Variants in CPNE4 observed in about 807,000 individuals in gnomAD.
The protein encoded by CPNE4 is copine-4.
In CPNE4, 25 loss-of-function variants were observed where a neutral mutation model predicts 67.9. The observed-to-expected ratio is 0.37, with a 90% CI of 0.27 to 0.51. CPNE4 has a LOEUF of 0.51. CPNE4 is among the 20% of genes least tolerant of loss of function. CPNE4 has a pLI of 0.93. For missense variants in CPNE4, 464 were observed against 690.8 expected (o/e 0.67, Z 3.68); for synonymous variants, 242 against 244.9 (o/e 0.99, Z 0.11).
chr3:131,942,216 T>TA (rs1171996652), intron 1 of CPNE4, among the ~76,000 whole-genome samples: 1 of 152,118 alleles, frequency 6.6e-6, no homozygotes, highest in Non-Finnish European at 1.5e-5. Context: ...CTCTTGTTTA[T>TA]AAGGCACTTA....
chr3:131,565,523 T>A (rs1937010308), intron 10 of CPNE4, among the ~76,000 whole-genome samples: 1 of 152,056 alleles, frequency 6.6e-6, no homozygotes, highest in South Asian at 2.1e-4. Context: ...TTTGTGTTTC[T>A]TAAGGTATAA....
Position 131,564,240 on chromosome 3 carries a change from C to T in CPNE4, c.1037G>A (p.Gly346Glu), listed in dbSNP as rs1262016863. ...NEYLKALVAVGEICQDYDSDK... is the reference protein window; with the variant it reads ...NEYLKALVAVEEICQDYDSDK... The stretch of plus-strand genomic sequence containing the variant: ...CCTGTCATAGTCTTGGCAAATCTCC[C>T]CCACAGCTACCAAAGCTTTCAGATA... The change falls in exon 11 of 16, where the codon GGG (glycine) becomes GAG (glutamate). Residue 346 changes from glycine to glutamate, a missense_variant. Coordinates refer to ENST00000429747, the MANE Select transcript of CPNE4 (RefSeq NM_130808.3). 2 of 1,612,930 alleles carry T rather than the reference C, an allele frequency of 1.2e-6. No homozygotes were observed. The highest frequency in any genetic ancestry group is 1.7e-5 in the Admixed American group (1 of 59,920).
chr3:131,980,158 T>G (rs1351901555), intron 1 of CPNE4, among the ~76,000 whole-genome samples: 2 of 152,198 alleles, frequency 1.3e-5, no homozygotes, highest in Non-Finnish European at 2.9e-5. Flanking sequence ...TTGGATAACC[T>G]GATGAAAATG....
chr3:131,775,757 G>A (rs914522739), intron 2 of CPNE4, among the ~76,000 whole-genome samples: 18 of 152,166 alleles, frequency 1.2e-4, no homozygotes, highest in Admixed American at 1.0e-3. Flanking sequence ...TCTTGGGTAT[G>A]TCTTTATCAG....
At chr3:131,826,346 C>T (rs1257132360) in intron 2 of CPNE4, among the ~76,000 whole-genome samples, 1 of 152,032 alleles carries the variant, frequency 6.6e-6, no homozygotes, top group Non-Finnish European at 1.5e-5. Flanking sequence ...TGCTTGCCAC[C>T]ATGCCTGGTT....
chr3:131,882,889 T>C (rs1388490706), intron 2 of CPNE4, among the ~76,000 whole-genome samples: 1 of 152,020 alleles, frequency 6.6e-6, no homozygotes, highest in East Asian at 1.9e-4. Context: ...GCTAATTTTT[T>C]TGTATTTTTA....
intron 2 of CPNE4, among the ~76,000 whole-genome samples, chr3:131,727,200 A>G (rs2082020720): frequency 6.6e-6 from 1 of 152,212 alleles, no homozygotes; most frequent in South Asian, 2.1e-4. Context: ...ACTTTCCTCA[A>G]TTCATGAGCA....
intron 1 of CPNE4, among the ~76,000 whole-genome samples, chr3:132,027,597 A>T (rs981237356): frequency 6.6e-6 from 1 of 152,116 alleles, no homozygotes; most frequent in Admixed American, 6.5e-5. Flanking sequence ...GCTTCTCGGG[A>T]GCTCTGCAGT....
At chr3:131,637,985 T>C (rs2079437957) in intron 7 of CPNE4, among the ~76,000 whole-genome samples, 1 of 152,176 alleles carries the variant, frequency 6.6e-6, no homozygotes, top group South Asian at 2.1e-4. Flanking sequence ...AAACAAATGC[T>C]GAGCTAATTT....
intron 1 of CPNE4, among the ~76,000 whole-genome samples, chr3:131,913,924 G>A (rs533862327): frequency 6.6e-6 from 1 of 152,188 alleles, no homozygotes. Context: ...GTCTTCAGAG[G>A]AGTATCTGGG....
rs1280212039 is a variant in CPNE4 at position 131,978,086 on chromosome 3, T to A, written c.-2+56481A>T. On this transcript the variant is annotated intron_variant, in intron 1 of 15. Coordinates refer to ENST00000429747, the MANE Select transcript of CPNE4 (RefSeq NM_130808.3). ...ATATATAAATATATATAAATATATA[T>A]AAATATATATATAAATATATATAAA... 1.6e-3 allele frequency among the ~76,000 whole-genome samples: 54 copies of A among 34,222 alleles called. 3 individuals are homozygous for A. In the East Asian group the frequency reaches 0.035, roughly 22 times the overall value. 22.5% of individuals were successfully genotyped at this position (34,222 alleles called of 152,430 possible). A position where few individuals can be genotyped will look rare whatever the true frequency, so the allele number is the denominator to read the frequency against.
intron 2 of CPNE4, among the ~76,000 whole-genome samples, chr3:131,875,737 C>T (rs1017064503): frequency 6.6e-6 from 1 of 151,766 alleles, no homozygotes; most frequent in Non-Finnish European, 1.5e-5. Flanking sequence ...TGTTAAATGA[C>T]GAGTGAATGG....
rs1325899124 is a variant in CPNE4, at chr3:131,856,883, G to A, written c.180+48381C>T. ...CCCAATGTCACAGAGCTAATAAATA[G>A]CAAAGCTGGCATTTGACAACCATCA... On this transcript the variant is annotated intron_variant, in intron 2 of 15. Coordinates refer to ENST00000429747, the MANE Select transcript of CPNE4 (RefSeq NM_130808.3). Among the ~76,000 whole-genome samples the A allele has an allele frequency of 2.6e-5, 4 of 151,960 alleles. No individual in the cohort carries two copies. The East Asian group carries it at 7.7e-4, about 29-fold the overall frequency.
At chr3:131,539,784 T>G (rs1165453957) in intron 15 of CPNE4, among the ~76,000 whole-genome samples, 1 of 152,214 alleles carries the variant, frequency 6.6e-6, no homozygotes, top group East Asian at 1.9e-4. Context: ...TTGATCCTGC[T>G]GCACTATGCA....
chr3:131,986,168 A>G (rs1400708568), intron 1 of CPNE4, among the ~76,000 whole-genome samples: 1 of 147,664 alleles, frequency 6.8e-6, no homozygotes, highest in East Asian at 2.1e-4. Flanking sequence ...CCTTCTCCTT[A>G]GCAGTATTTA....
At chr3:131,556,856 A>C (rs930708529) in intron 11 of CPNE4, among the ~76,000 whole-genome samples, 7 of 152,082 alleles carry the variant, frequency 4.6e-5, no homozygotes, top group Non-Finnish European at 1.0e-4. Context: ...AATAATTAAC[A>C]TTTATTGATG....
At chr3:131,783,802 G>A (rs1174193873) in intron 2 of CPNE4, among the ~76,000 whole-genome samples, 3 of 152,008 alleles carry the variant, frequency 2.0e-5, no homozygotes, top group Non-Finnish European at 4.4e-5. Context: ...ATGTAATTCA[G>A]CAAGGTCATC....
intron 7 of CPNE4, among the ~76,000 whole-genome samples, chr3:131,645,276 A>G (rs898954063): frequency 6.6e-5 from 10 of 152,138 alleles, no homozygotes; most frequent in African/African-American, 2.4e-4. Context: ...ATATCTCTGC[A>G]TCTTTTATGT....
At chr3:131,708,613 A>G (rs2081472520) in intron 3 of CPNE4, among the ~76,000 whole-genome samples, 2 of 152,038 alleles carry the variant, frequency 1.3e-5, no homozygotes, top group Admixed American at 1.3e-4. Flanking sequence ...TGATGGGACC[A>G]GTCCCCAAGG....
Sources: allele counts gnomAD v4.1 joint callset (sites outside exome capture counted in the v4.1 genomes callset), GRCh38; gene constraint gnomAD v4.1.1; transcripts MANE v1.5; gene names NCBI Gene and HGNC (gene_info 2026-07-23, HGNC 2026-07-21).